NCKAP5: variants seen among roughly 807,000 people sequenced by gnomAD.
NCKAP5 encodes the protein nck-associated protein 5.
In NCKAP5, 92 loss-of-function variants were observed where a neutral mutation model predicts 167.0. The observed-to-expected ratio is 0.55, with a 90% CI of 0.47 to 0.66. The LOEUF (loss-of-function observed/expected upper bound fraction) is 0.66, where lower values mean the gene tolerates loss of function less well. NCKAP5 is among the 30% of genes least tolerant of loss of function. The probability of loss-of-function intolerance (pLI) is 0.00; values close to 1 mark genes in which losing one functional copy is unlikely to be tolerated. For synonymous variants in NCKAP5, 891 were observed against 877.4 expected (o/e 1.02, Z -0.27); for missense variants, 2,378 against 2,315.0 (o/e 1.03, Z -0.56).
chr2:132,916,996 C>T (rs538542640), intron 8 of NCKAP5, among the ~76,000 whole-genome samples: 23 of 152,264 alleles, frequency 1.5e-4, no homozygotes, highest in Admixed American at 1.4e-3. Flanking sequence ...ATGATGACAA[C>T]TAATGTTTAT....
chr2:132,755,290 C>T (rs1159484677), intron 16 of NCKAP5, among the ~76,000 whole-genome samples: 2 of 152,094 alleles, frequency 1.3e-5, no homozygotes, highest in South Asian at 2.1e-4. Flanking sequence ...AGAGGGCATC[C>T]CCTGCTTGAG....
chr2:133,476,528 G>A (rs139690593), intron 3 of NCKAP5, among the ~76,000 whole-genome samples: 46 of 152,198 alleles, frequency 3.0e-4, no homozygotes, highest in African/African-American at 9.4e-4. Flanking sequence ...ATAAGTCATC[G>A]AGCAGCATGT....
intron 12 of NCKAP5, among the ~76,000 whole-genome samples, chr2:132,794,859 G>T (rs1684454253): frequency 6.6e-6 from 1 of 152,136 alleles, no homozygotes; most frequent in Non-Finnish European, 1.5e-5. Context: ...TCACTGATGT[G>T]AGCTTCTGGC....
At chr2:132,702,054 T>C (rs545180691) in intron 19 of NCKAP5, among the ~76,000 whole-genome samples, 1 of 152,272 alleles carries the variant, frequency 6.6e-6, no homozygotes, top group African/African-American at 2.4e-5. Context: ...GGTCTCCAAT[T>C]AAGTGAACCA....
At chr2:133,184,849 T>C (rs994016214) in intron 5 of NCKAP5, among the ~76,000 whole-genome samples, 3 of 152,190 alleles carry the variant, frequency 2.0e-5, no homozygotes, top group Non-Finnish European at 4.4e-5. Flanking sequence ...AAGTTTCTTA[T>C]AGATTCTGGA....
chr2:132,686,298 T>C (rs535042480), intron 19 of NCKAP5, among the ~76,000 whole-genome samples: 8 of 152,196 alleles, frequency 5.3e-5, no homozygotes, highest in Non-Finnish European at 1.0e-4. Context: ...GGATTGTACA[T>C]CTTCCTCTCT....
At chr2:132,830,491 C>T (rs1407306965) in intron 11 of NCKAP5, among the ~76,000 whole-genome samples, 2 of 151,954 alleles carry the variant, frequency 1.3e-5, no homozygotes, top group Admixed American at 1.3e-4. Flanking sequence ...GAACAAAGGG[C>T]TGAGGTGGAA....
At chr2:133,587,075 A>G in the NCKAP5 span, among the ~76,000 whole-genome samples, 1 of 152,162 alleles carries the variant, frequency 6.6e-6, no homozygotes, top group Admixed American at 6.5e-5. Flanking sequence ...GCCCTGCCCT[A>G]ATCTAGCAGG....
chr2:132,899,559 C>T (rs539522776), intron 8 of NCKAP5, among the ~76,000 whole-genome samples: 1 of 152,370 alleles, frequency 6.6e-6, no homozygotes, highest in South Asian at 2.1e-4. Flanking sequence ...TAAGCTTAAT[C>T]ATTTCTAGCT....
At chr2:133,504,274 A>G (rs1682800713) in intron 3 of NCKAP5, among the ~76,000 whole-genome samples, 1 of 32,390 alleles carries the variant, frequency 3.1e-5, no homozygotes, top group African/African-American at 1.3e-4. Context: ...GGTTTACACC[A>G]ATAGAATCTT....
At chr2:133,334,007 G>A (rs572375913) in intron 3 of NCKAP5, 6 of 152,334 alleles carry the variant, frequency 3.9e-5, no homozygotes, top group African/African-American at 1.4e-4. Context: ...AAGGCGCTGT[G>A]ATAAGGGCTA....
intron 11 of NCKAP5, among the ~76,000 whole-genome samples, chr2:132,821,365 G>A (rs1330832406): frequency 2.6e-5 from 4 of 152,122 alleles, no homozygotes; most frequent in Admixed American, 2.6e-4. Flanking sequence ...GCAGTGAGAA[G>A]TGCCTTGAAC....
the NCKAP5 span, among the ~76,000 whole-genome samples, chr2:133,576,851 T>C: frequency 1.3e-5 from 2 of 152,220 alleles, no homozygotes; most frequent in South Asian, 4.1e-4. Flanking sequence ...GAGCATGAAC[T>C]ATGATTGACA....
At chr2:133,074,032 A>G (rs2080511499) in intron 6 of NCKAP5, among the ~76,000 whole-genome samples, 1 of 152,230 alleles carries the variant, frequency 6.6e-6, no homozygotes, top group Admixed American at 6.5e-5. Flanking sequence ...CTCAAAGAGC[A>G]ATAGATAACA....
chr2:132,804,112 C>T (rs1685246296), intron 11 of NCKAP5, among the ~76,000 whole-genome samples: 2 of 152,092 alleles, frequency 1.3e-5, no homozygotes, highest in African/African-American at 4.8e-5. Flanking sequence ...TATTTCAGAC[C>T]TAACAGCAAA....
intron 7 of NCKAP5, among the ~76,000 whole-genome samples, chr2:132,973,215 T>C (rs187976080): frequency 6.6e-6 from 1 of 152,290 alleles, no homozygotes; most frequent in East Asian, 1.9e-4. Flanking sequence ...TCCCAAATTA[T>C]GGCAGAGGGG....
At chr2:133,311,596 G>T (rs1681235811) in intron 3 of NCKAP5, among the ~76,000 whole-genome samples, 1 of 152,116 alleles carries the variant, frequency 6.6e-6, no homozygotes, top group South Asian at 2.1e-4. Flanking sequence ...CTGGCAACCA[G>T]CCCCCATCCT....
At chr2:133,104,308 G>A (rs1190280004) in intron 6 of NCKAP5, among the ~76,000 whole-genome samples, 1 of 152,172 alleles carries the variant, frequency 6.6e-6, no homozygotes, top group African/African-American at 2.4e-5. Flanking sequence ...ATGTTTAATT[G>A]TACATCCTGG....
At chr2:132,746,008 G>C (rs1173442979) in intron 16 of NCKAP5, among the ~76,000 whole-genome samples, 3 of 151,840 alleles carry the variant, frequency 2.0e-5, no homozygotes. Flanking sequence ...TCTTCAAATT[G>C]ATCTACAGAT....
Sources: gnomAD v4.1 joint callset for allele counts (sites outside exome capture counted in the v4.1 genomes callset) on GRCh38, gnomAD v4.1.1 for gene constraint, MANE v1.5 for transcripts, NCBI Gene and HGNC (gene_info 2026-07-23, HGNC 2026-07-21) for gene names.